Variants in FAM13A observed in about 807,000 individuals in gnomAD.
FAM13A encodes the protein protein FAM13A.
FAM13A carries 76 observed loss-of-function variants against 129.6 expected under a neutral mutation model. That is an observed-to-expected ratio of 0.59 (90% confidence interval 0.49 to 0.71). The LOEUF (loss-of-function observed/expected upper bound fraction) is 0.71, where lower values mean the gene tolerates loss of function less well. Ranked by LOEUF, FAM13A falls within the 30% of genes least tolerant of loss-of-function variation. The pLI is 0.00. For synonymous variants in FAM13A, 443 were observed against 449.9 expected (o/e 0.98, Z 0.20); for missense variants, 1,108 against 1,249.3 (o/e 0.89, Z 1.70).
chr4:89,015,558 T>C (rs1171407557), intron 3 of FAM13A, among the ~76,000 whole-genome samples: 1 of 152,254 alleles, frequency 6.6e-6, no homozygotes, highest in Non-Finnish European at 1.5e-5. Context: ...TACTTAACTT[T>C]TGTTTGTATT....
At chr4:88,944,026 T>C (rs530778618) in intron 4 of FAM13A, among the ~76,000 whole-genome samples, 127 of 152,314 alleles carry the variant, frequency 8.3e-4, no homozygotes, top group African/African-American at 2.9e-3. Context: ...AACTATACTA[T>C]GTTTTATTTT....
chr4:89,051,852 C>T (rs1771633222), intron 1 of FAM13A, among the ~76,000 whole-genome samples: 1 of 152,148 alleles, frequency 6.6e-6, no homozygotes, highest in African/African-American at 2.4e-5. Flanking sequence ...CAAGAATAAT[C>T]CTTTTTGGCT....
chr4:88,983,273 C>A (rs1190055957), intron 4 of FAM13A, among the ~76,000 whole-genome samples: 1 of 151,842 alleles, frequency 6.6e-6, no homozygotes, highest in Admixed American at 6.6e-5. Context: ...CAAAGTAATA[C>A]TGAGAGGAAA....
chr4:88,731,517 G>T, intron 22 of FAM13A, 89 bp from the exon 23 acceptor site: 1 of 713,016 alleles, frequency 1.4e-6, no homozygotes, highest in South Asian at 1.9e-5. Flanking sequence ...GAGCTGTGCA[G>T]AAAGGGGAGG....
At chr4:89,047,585 T>C (rs1489402262) in intron 1 of FAM13A, among the ~76,000 whole-genome samples, 1 of 152,190 alleles carries the variant, frequency 6.6e-6, no homozygotes, top group Non-Finnish European at 1.5e-5. Context: ...GAATGGGAGA[T>C]GAAGTGTACT....
At chr4:88,883,463 A>T (rs1743917692) in intron 6 of FAM13A, among the ~76,000 whole-genome samples, 1 of 152,162 alleles carries the variant, frequency 6.6e-6, no homozygotes, top group Non-Finnish European at 1.5e-5. Context: ...CATTGAACTC[A>T]ATGATAATAG....
intron 4 of FAM13A, among the ~76,000 whole-genome samples, chr4:88,967,042 T>G (rs574139221): frequency 7.1e-4 from 108 of 152,334 alleles, no homozygotes; most frequent in Admixed American, 6.9e-3. Flanking sequence ...GAAAGTTACT[T>G]AGCTCACATG....
At chr4:89,041,174 CA>C (rs1216494761) in intron 1 of FAM13A, among the ~76,000 whole-genome samples, 2 of 152,112 alleles carry the variant, frequency 1.3e-5, no homozygotes, top group African/African-American at 4.8e-5. Context: ...TGATTGATAG[CA>C]GAGTAGGATG....
At chr4:88,984,422 T>TA (rs1253350784) in intron 4 of FAM13A, among the ~76,000 whole-genome samples, 1 of 152,124 alleles carries the variant, frequency 6.6e-6, no homozygotes, top group Non-Finnish European at 1.5e-5. Flanking sequence ...GCAAAGTATA[T>TA]AAACAACTCT....
At chr4:88,924,411 C>G (rs968338319) in intron 5 of FAM13A, among the ~76,000 whole-genome samples, 39 of 152,158 alleles carry the variant, frequency 2.6e-4, no homozygotes, top group Non-Finnish European at 5.9e-5. Context: ...ATATCTACAA[C>G]TATCTGATCT....
At chr4:88,866,647 C>T (rs890135697) in intron 6 of FAM13A, among the ~76,000 whole-genome samples, 1 of 152,120 alleles carries the variant, frequency 6.6e-6, no homozygotes. Context: ...AAATCAGGAA[C>T]ATTTTATATT....
At chr4:88,882,601 A>G (rs1220479581) in intron 6 of FAM13A, among the ~76,000 whole-genome samples, 2 of 111,604 alleles carry the variant, frequency 1.8e-5, no homozygotes, top group Non-Finnish European at 4.6e-5. Context: ...AACACAATGG[A>G]AAAAAAAAAA....
At chr4:88,889,998 T>A (rs889519380) in intron 6 of FAM13A, among the ~76,000 whole-genome samples, 7 of 152,190 alleles carry the variant, frequency 4.6e-5, no homozygotes, top group African/African-American at 1.7e-4. Context: ...CAGTGAGAAC[T>A]TTAGGGTTAA....
At chr4:88,896,286 G>C (rs1198053354) in intron 6 of FAM13A, among the ~76,000 whole-genome samples, 1 of 134,800 alleles carries the variant, frequency 7.4e-6, no homozygotes, top group Non-Finnish European at 1.6e-5. Context: ...TGGGGGAGGG[G>C]GGAGGGATAC....
intron 11 of FAM13A, among the ~76,000 whole-genome samples, chr4:88,773,602 A>G (rs1342629218): frequency 6.6e-6 from 1 of 152,042 alleles, no homozygotes; most frequent in Non-Finnish European, 1.5e-5. Flanking sequence ...TACCCCCTAA[A>G]TGCTGGTAGG....
intron 6 of FAM13A, among the ~76,000 whole-genome samples, chr4:88,879,296 T>C (rs1369892307): frequency 6.6e-6 from 1 of 152,330 alleles, no homozygotes. Flanking sequence ...CATCTATTAT[T>C]AGTATCTTTG....
chr4:88,785,025 G>T (rs1001494045), intron 10 of FAM13A, among the ~76,000 whole-genome samples: 14 of 152,060 alleles, frequency 9.2e-5, no homozygotes, highest in African/African-American at 3.4e-4. Flanking sequence ...ACCTATGAAT[G>T]AAGTTATTTG....
chr4:88,734,825 T>C (rs1297690759), intron 21 of FAM13A, among the ~76,000 whole-genome samples: 3 of 152,154 alleles, frequency 2.0e-5, no homozygotes, highest in African/African-American at 7.2e-5. Flanking sequence ...CACCCTATCC[T>C]CAGAAAGGCC....
intron 21 of FAM13A, chr4:88,732,425 T>G (rs1738034945): frequency 7.7e-6 from 3 of 387,484 alleles, no homozygotes; most frequent in African/African-American, 2.1e-5. Context: ...GAAAACAGAC[T>G]GCAAAACTAT....
Sources: allele counts gnomAD v4.1 joint callset (sites outside exome capture counted in the v4.1 genomes callset), GRCh38; gene constraint gnomAD v4.1.1; transcripts MANE v1.5; gene names NCBI Gene and HGNC (gene_info 2026-07-23, HGNC 2026-07-21).